The following MDFIC variants were observed in gnomAD, a reference collection of about 807,000 sequenced individuals.
MDFIC encodes the protein myoD family inhibitor domain-containing protein.
In MDFIC, 17 loss-of-function variants were observed where a neutral mutation model predicts 23.2. The ratio of observed to expected loss-of-function variants is 0.73; its 90% CI spans 0.50 to 1.10. The LOEUF is 1.10. Among genes scored for constraint, MDFIC ranks in the 50% least tolerant of loss-of-function variants. MDFIC has a pLI of 0.00. For missense variants in MDFIC, 356 were observed against 316.6 expected (o/e 1.12, Z -0.95); for synonymous variants, 120 against 115.2 (o/e 1.04, Z -0.27).
At chr7:114,941,382 T>C (rs964895532) in intron 2 of MDFIC, among the ~76,000 whole-genome samples, 1 of 152,186 alleles carries the variant, frequency 6.6e-6, no homozygotes. Context: ...CTGTCCTAAT[T>C]TGCCACTCAT....
chr7:115,006,796 AAT>A (rs1268851387), intron 4 of MDFIC, among the ~76,000 whole-genome samples: 1 of 152,162 alleles, frequency 6.6e-6, no homozygotes, highest in Non-Finnish European at 1.5e-5. Flanking sequence ...TTTCTGGGAA[AAT>A]GTGTTTAAGA....
chr7:114,924,800 G>A (rs1176298886), intron 2 of MDFIC, among the ~76,000 whole-genome samples: 4 of 152,150 alleles, frequency 2.6e-5, no homozygotes, highest in African/African-American at 7.2e-5. Context: ...AAAATATGAT[G>A]TCTTAAACAG....
At chr7:114,943,117 T>C (rs1249776550) in intron 3 of MDFIC, among the ~76,000 whole-genome samples, 1 of 152,236 alleles carries the variant, frequency 6.6e-6, no homozygotes, top group Non-Finnish European at 1.5e-5. Flanking sequence ...GTAAATCTTT[T>C]GATATTCCCC....
intron 4 of MDFIC, among the ~76,000 whole-genome samples, chr7:115,005,522 G>A (rs1791552529): frequency 6.6e-6 from 1 of 152,142 alleles, no homozygotes; most frequent in Non-Finnish European, 1.5e-5. Flanking sequence ...GTTGGGGAGT[G>A]GCTCAGACGA....
At chr7:115,008,878 G>A (rs967368573) in intron 4 of MDFIC, among the ~76,000 whole-genome samples, 2 of 152,222 alleles carry the variant, frequency 1.3e-5, no homozygotes, top group African/African-American at 4.8e-5. Context: ...GAAGAGGAAA[G>A]CCTTCACCCA....
At chr7:114,964,993 A>G (rs1793070043) in intron 3 of MDFIC, among the ~76,000 whole-genome samples, 1 of 152,248 alleles carries the variant, frequency 6.6e-6, no homozygotes, top group South Asian at 2.1e-4. Context: ...TGTTATGGAA[A>G]AGCATACAGT....
At position 114,926,638 on chromosome 7, in the gene MDFIC, C is replaced by T. The variant is rs548879666; in HGVS notation, c.94+3511C>T. Among the ~76,000 whole-genome samples, 10 of 152,162 alleles carry T rather than the reference C, an allele frequency of 6.6e-5. No homozygotes were observed. The South Asian group carries it at 1.7e-3, about 25-fold the overall frequency. ...GGAGAGTCCTCTTGAGACTATTAGG[C>T]GGACTTTTCTTAGCAGGATGCAAAA... On this transcript the variant is annotated intron_variant, in intron 2 of 4. Transcript: ENST00000393486.
At chr7:114,988,586 T>C (rs1283523185) in intron 4 of MDFIC, among the ~76,000 whole-genome samples, 1 of 152,140 alleles carries the variant, frequency 6.6e-6, no homozygotes, top group Admixed American at 6.6e-5. Context: ...GGAAGAGCAG[T>C]CAGATATGTA....
At chr7:115,007,630 G>GTGTGTATATATATA (rs369718965) in intron 4 of MDFIC, among the ~76,000 whole-genome samples, 4 of 132,878 alleles carry the variant, frequency 3.0e-5, no homozygotes, top group African/African-American at 1.2e-4. Flanking sequence ...GCGTGTGTGT[G>GTGTGTATATATATA]TATATATATA....
chr7:114,988,556 A>G (rs1376856419), intron 4 of MDFIC, among the ~76,000 whole-genome samples: 1 of 152,204 alleles, frequency 6.6e-6, no homozygotes, highest in Non-Finnish European at 1.5e-5. Flanking sequence ...TGAGGTCCAG[A>G]GCTAAATCTG....
intron 4 of MDFIC, among the ~76,000 whole-genome samples, chr7:115,010,311 C>T (rs1489719862): frequency 6.6e-6 from 1 of 151,662 alleles, no homozygotes; most frequent in Non-Finnish European, 1.5e-5. Flanking sequence ...TTTTCATTAC[C>T]CTGAGTCACA....
chr7:114,953,988 T>A (rs1215985173), intron 3 of MDFIC, among the ~76,000 whole-genome samples: 1 of 152,202 alleles, frequency 6.6e-6, no homozygotes, highest in East Asian at 1.9e-4. Context: ...TTGGAACGCA[T>A]AGACAGAGGG....
chr7:114,973,595 C>G (rs1793250603), intron 3 of MDFIC, among the ~76,000 whole-genome samples: 1 of 152,110 alleles, frequency 6.6e-6, no homozygotes, highest in African/African-American at 2.4e-5. Flanking sequence ...TTACTCCAGG[C>G]ATTATTTAAA....
chr7:115,011,715 A>G (rs1242511134), intron 4 of MDFIC, among the ~76,000 whole-genome samples: 1 of 152,202 alleles, frequency 6.6e-6, no homozygotes, highest in African/African-American at 2.4e-5. Flanking sequence ...ATTGTAGTCT[A>G]AGATCTGGAA....
At chr7:114,935,241 A>G (rs1031021139) in intron 2 of MDFIC, among the ~76,000 whole-genome samples, 9 of 152,106 alleles carry the variant, frequency 5.9e-5, no homozygotes, top group Admixed American at 2.0e-4. Flanking sequence ...AGGTATGAAT[A>G]CAAATTGCTT....
chr7:115,008,607 G>T (rs1420516982), intron 4 of MDFIC, among the ~76,000 whole-genome samples: 1 of 152,156 alleles, frequency 6.6e-6, no homozygotes, highest in East Asian at 1.9e-4. Context: ...GAAGTGCTGT[G>T]CGTCCTCTGT....
At chr7:114,986,108 G>A (rs1793508681) in intron 4 of MDFIC, among the ~76,000 whole-genome samples, 1 of 151,386 alleles carries the variant, frequency 6.6e-6, no homozygotes, top group African/African-American at 2.4e-5. Context: ...GCCATGTTGA[G>A]CTTGGGATGC....
At chr7:114,934,742 A>G (rs1269540860) in intron 2 of MDFIC, among the ~76,000 whole-genome samples, 1 of 152,216 alleles carries the variant, frequency 6.6e-6, no homozygotes, top group Non-Finnish European at 1.5e-5. Context: ...GTGTATGATT[A>G]TATAACTTCC....
intron 3 of MDFIC, among the ~76,000 whole-genome samples, chr7:114,967,907 T>C (rs550614375): frequency 6.6e-6 from 1 of 151,256 alleles, no homozygotes; most frequent in South Asian, 2.1e-4. Context: ...CAGCTTACTG[T>C]AGCCTAGACC....
Sources: allele counts gnomAD v4.1 joint callset (sites outside exome capture counted in the v4.1 genomes callset), GRCh38; gene constraint gnomAD v4.1.1; transcripts MANE v1.5; gene names NCBI Gene and HGNC (gene_info 2026-07-23, HGNC 2026-07-21).